The following BMPR2 variants were observed in gnomAD, a reference collection of about 807,000 sequenced individuals.
BMPR2 encodes bone morphogenetic protein receptor type-2.
BMPR2 carries 29 observed loss-of-function variants against 100.8 expected under a neutral mutation model. The ratio of observed to expected loss-of-function variants is 0.29; its 90% CI spans 0.21 to 0.39. The LOEUF (loss-of-function observed/expected upper bound fraction) is 0.39. Among genes scored for constraint, BMPR2 ranks in the 10% least tolerant of loss-of-function variants. BMPR2 has a pLI of 1.00. For synonymous variants in BMPR2, 382 were observed against 442.3 expected (o/e 0.86, Z 1.71); for missense variants, 1,011 against 1,274.5 (o/e 0.79, Z 3.15).
intron 1 of BMPR2, among the ~76,000 whole-genome samples, chr2:202,396,444 A>G (rs1343513230): frequency 2.0e-5 from 3 of 152,158 alleles, no homozygotes; most frequent in East Asian, 1.9e-4. Context: ...AAGAACAGAG[A>G]TGTGCATGTA....
chr2:202,424,221 A>G (rs1256563774), intron 1 of BMPR2, among the ~76,000 whole-genome samples: 2 of 151,542 alleles, frequency 1.3e-5, no homozygotes, highest in Non-Finnish European at 2.9e-5. Flanking sequence ...TGAAAATGCA[A>G]ACGTTAGCTG....
chr2:202,557,550 C>T (rs1409265572), intron 12 of BMPR2, among the ~76,000 whole-genome samples: 1 of 150,324 alleles, frequency 6.7e-6, no homozygotes, highest in African/African-American at 2.5e-5. Flanking sequence ...ACCTGTAATC[C>T]CAGCTACTTG....
intron 10 of BMPR2, among the ~76,000 whole-genome samples, chr2:202,552,097 C>T (rs1387737417): frequency 6.6e-6 from 1 of 152,114 alleles, no homozygotes; most frequent in Admixed American, 6.5e-5. Flanking sequence ...TCGTGATCCA[C>T]CCGACTTGGC....
intron 1 of BMPR2, among the ~76,000 whole-genome samples, chr2:202,423,103 G>T (rs1269572049): frequency 6.6e-6 from 1 of 152,188 alleles, no homozygotes; most frequent in Non-Finnish European, 1.5e-5. Context: ...TGGCCAGGCT[G>T]GTCTTGAACT....
intron 3 of BMPR2, among the ~76,000 whole-genome samples, chr2:202,472,215 T>C (rs1461113751): frequency 1.3e-5 from 2 of 152,222 alleles, no homozygotes; most frequent in African/African-American, 4.8e-5. Flanking sequence ...AGCACTAAAC[T>C]GAAAGCAATA....
In BMPR2 at chr2:202,428,534, GACCACAGGTGCATGCCACCAC is replaced by G. The variant is rs556204261; in HGVS notation, c.77-36271_77-36251del. On this transcript the variant is annotated intron_variant, in intron 1 of 12. Coordinates refer to ENST00000374580, the MANE Select transcript of BMPR2 (RefSeq NM_001204.7). ...CCACTTTAGCCTCCAGAGTAGCTAG[GACCACAGGTGCATGCCACCAC>G]ACCCTGGCTAATTTTAAAAAAGTTT... Among the ~76,000 whole-genome samples the G allele has an allele frequency of 1.5e-3, 226 of 152,096 alleles. 1 individual carries two copies. Among genetic ancestry groups the G allele is most frequent in the African/African-American group, 5.1e-3 (210 of 41,478 alleles).
At chr2:202,510,140 T>A (rs1322359544) in intron 3 of BMPR2, among the ~76,000 whole-genome samples, 1 of 152,168 alleles carries the variant, frequency 6.6e-6, no homozygotes, top group Non-Finnish European at 1.5e-5. Flanking sequence ...AGTTTTTGGC[T>A]GGGCGCGGTG....
chr2:202,455,419 T>C lies in BMPR2; in HGVS notation c.77-9390T>C, dbSNP rs184554924. 2.9e-3 allele frequency among the ~76,000 whole-genome samples: 441 copies of C among 152,296 alleles called. 2 individuals are homozygous for C. Among genetic ancestry groups the C allele is most frequent in the African/African-American group, 0.01 (427 of 41,564 alleles). On this transcript the variant is annotated intron_variant, in intron 1 of 12. Coordinates refer to ENST00000374580, the MANE Select transcript of BMPR2 (RefSeq NM_001204.7). ...AAAAATAAAAAAATATGACTACTGG[T>C]TACTGTATTAGACAATGTAGATTAT... is the stretch of plus-strand genomic sequence containing the variant.
chr2:202,419,425 C>G (rs1333731618), intron 1 of BMPR2, among the ~76,000 whole-genome samples: 3 of 152,114 alleles, frequency 2.0e-5, no homozygotes, highest in African/African-American at 7.2e-5. Context: ...GGCAAGATCT[C>G]AGCTCACTGC....
chr2:202,424,557 G>A (rs553765532), intron 1 of BMPR2, among the ~76,000 whole-genome samples: 2 of 151,252 alleles, frequency 1.3e-5, no homozygotes, highest in Non-Finnish European at 2.9e-5. Context: ...TTAGCTGGGC[G>A]TGGTGGCAGG....
chr2:202,451,252 C>T (rs1476839634), intron 1 of BMPR2, among the ~76,000 whole-genome samples: 2 of 152,068 alleles, frequency 1.3e-5, no homozygotes, highest in African/African-American at 2.4e-5. Context: ...ATAGGTTATG[C>T]CTAGGATTCT....
chr2:202,393,882 CGAGAGAGAGAGAGAGAGAGAGAGA>C (rs56708616), intron 1 of BMPR2, among the ~76,000 whole-genome samples: 1,197 of 97,942 alleles, frequency 0.012, 20 homozygotes, highest in African/African-American at 0.036. Flanking sequence ...AATGAGAGAG[CGAGAGAGAGAGAGAGAGAGAGAGA>C]GAGAGAGAGA....
At chr2:202,475,135 C>G (rs553734791) in intron 3 of BMPR2, 1 of 152,094 alleles carries the variant, frequency 6.6e-6, no homozygotes, top group East Asian at 1.9e-4. Context: ...ATATATGTTT[C>G]ATAGTTGTCA....
intron 1 of BMPR2, among the ~76,000 whole-genome samples, chr2:202,426,303 G>C (rs1016862450): frequency 2.0e-5 from 3 of 152,128 alleles, no homozygotes; most frequent in Non-Finnish European, 4.4e-5. Flanking sequence ...GTTTATGGCC[G>C]GGTACGGTGG....
chr2:202,434,646 G>C (rs868158330), intron 1 of BMPR2, among the ~76,000 whole-genome samples: 3 of 148,736 alleles, frequency 2.0e-5, no homozygotes, highest in African/African-American at 5.2e-5. Flanking sequence ...TTGAGATAGT[G>C]TCTTGCTCTG....
At chr2:202,466,787 G>A (rs1028392586) in intron 2 of BMPR2, among the ~76,000 whole-genome samples, 4 of 150,684 alleles carry the variant, frequency 2.7e-5, no homozygotes, top group Non-Finnish European at 5.9e-5. Flanking sequence ...TTGTAGAGAT[G>A]TGGTATGGCT....
intron 1 of BMPR2, among the ~76,000 whole-genome samples, chr2:202,401,355 C>T (rs948384843): frequency 2.6e-5 from 4 of 152,144 alleles, no homozygotes; most frequent in Non-Finnish European, 5.9e-5. Flanking sequence ...CCAGTAGGTG[C>T]ACATTTTTCT....
chr2:202,524,849 A>G (rs1320088859), intron 7 of BMPR2, among the ~76,000 whole-genome samples: 3 of 152,052 alleles, frequency 2.0e-5, no homozygotes, highest in East Asian at 1.9e-4. Context: ...CCTGGCCAAC[A>G]TGGTGAAACC....
chr2:202,549,187 TTAAC>T (rs1428629570), intron 10 of BMPR2, among the ~76,000 whole-genome samples: 6 of 152,198 alleles, frequency 3.9e-5, no homozygotes, highest in Non-Finnish European at 5.9e-5. Context: ...TCAGTTATAA[TTAAC>T]TATTAGTTAT....
Sources: allele counts gnomAD v4.1 joint callset (sites outside exome capture counted in the v4.1 genomes callset), GRCh38; gene constraint gnomAD v4.1.1; transcripts MANE v1.5; gene names NCBI Gene and HGNC (gene_info 2026-07-23, HGNC 2026-07-21).